WDR62: variants seen among roughly 807,000 people sequenced by gnomAD.
WDR62 encodes WD repeat-containing protein 62.
WDR62 carries 112 observed loss-of-function variants against 160.6 expected under a neutral mutation model. That is an observed-to-expected ratio of 0.70 (90% CI 0.60 to 0.82). WDR62 has a LOEUF of 0.82. Ranked by LOEUF, WDR62 falls within the 40% of genes least tolerant of loss-of-function variation. WDR62 has a pLI of 0.00. For synonymous variants in WDR62, 792 were observed against 815.1 expected, an observed-to-expected ratio of 0.97 and a Z score of 0.48; for missense variants, 1,819 against 1,983.8, an observed-to-expected ratio of 0.92 and a Z score of 1.58.
chr19:36,066,253 C>G lies in WDR62; in HGVS notation c.391-4C>G. 1.2e-6 allele frequency: 2 copies of G among 1,614,158 alleles called. No homozygotes were observed. Among genetic ancestry groups the G allele is most frequent in the Non-Finnish European group, 1.7e-6 (2 of 1,180,038 alleles). ...AGCAGCAGTAACGACCCCACCTTCC[C>G]TAGAATGGGCATAGGCCTGCTGTGC... On this transcript the variant is annotated splice_region_variant and splice_polypyrimidine_tract_variant and intron_variant, in intron 4 of 31. Transcript: ENST00000401500.
chr19:36,096,717 A>C (rs1972986159), intron 20 of WDR62, among the ~76,000 whole-genome samples: 1 of 148,124 alleles, frequency 6.8e-6, no homozygotes, highest in Non-Finnish European at 1.5e-5. Flanking sequence ...TCTCAAAAAA[A>C]GAAAAAAAAA....
At chr19:36,096,201 C>T (rs2145822498) in intron 20 of WDR62, among the ~76,000 whole-genome samples, 1 of 152,240 alleles carries the variant, frequency 6.6e-6, no homozygotes, top group South Asian at 2.1e-4. Context: ...AGCAATTTTC[C>T]CTCCTTAGCC....
Position 36,084,742 on chromosome 19 carries a change from CGG to C in WDR62, c.1642_1642+1del, listed in dbSNP as rs1438386395. ...TGCCTGGAGTACTCCAAGCCAGAGA[CGG>C]GTGAGCCCGCAGCAGGGGTGGAATG... On this transcript the variant is annotated frameshift_variant and splice_region_variant, in exon 12 of 32. Coordinates refer to ENST00000401500, the MANE Select transcript of WDR62 (RefSeq NM_001083961.2). LOFTEE classifies it high-confidence loss of function. 2 of 1,612,944 alleles carry C rather than the reference CGG, an allele frequency of 1.2e-6. No individual in the cohort carries two copies. Among genetic ancestry groups the C allele is most frequent in the Non-Finnish European group, 1.7e-6 (2 of 1,179,906 alleles).
At chr19:36,071,158 T>C in intron 7 of WDR62, 1 of 220,048 alleles carries the variant, frequency 4.5e-6, no homozygotes, top group South Asian at 6.1e-5. Flanking sequence ...GAGCCGAGAT[T>C]GTGCCATTGC....
rs58955389 is a variant in WDR62 at position 36,066,707 on chromosome 19, G to C, written c.561+280G>C. 0.016 allele frequency among the ~76,000 whole-genome samples: 2,468 copies of C among 152,302 alleles called. 77 individuals are homozygous for C. Among genetic ancestry groups the C allele is most frequent in the African/African-American group, 0.056 (2,327 of 41,556 alleles). ...TTTCCTCCTCTGTTAGATGGATATAGTAGTACTTATCTTGTTGAGTTGTGA... is the reference window on the plus strand; with the variant it reads ...TTTCCTCCTCTGTTAGATGGATATACTAGTACTTATCTTGTTGAGTTGTGA... On this transcript the variant is annotated intron_variant, in intron 5 of 31. Coordinates refer to ENST00000401500, the MANE Select transcript of WDR62 (RefSeq NM_001083961.2).
chr19:36,073,413 A>G lies in WDR62; in HGVS notation c.1115A>G (p.Gln372Arg). 5 of 1,614,154 alleles carry G rather than the reference A, an allele frequency of 3.1e-6. No individual in the cohort carries two copies. Among genetic ancestry groups the G allele is most frequent in the Non-Finnish European group, 3.4e-6 (4 of 1,180,026 alleles). ...GCACTGACCTTCGACCCCATCCACC[A>G]GTGGCTGTCCTGCGTGTATAAGGAC... ...TVALTFDPIH[Q>R]WLSCVYKDHS... Residue 372 changes from glutamine to arginine, a missense_variant, in exon 9 of 32, where the codon CAG (glutamine) becomes CGG (arginine). This residue lies in a region of WDR62 where 934 missense variants were observed against 1,157.2 expected (regional missense o/e 0.81). Transcript: ENST00000401500.
intron 13 of WDR62, among the ~76,000 whole-genome samples, chr19:36,088,246 G>A (rs998001218): frequency 2.6e-5 from 4 of 152,034 alleles, no homozygotes; most frequent in Non-Finnish European, 2.9e-5. Context: ...GAAATGAGAC[G>A]GCCGGGGGCA....
At chr19:36,105,130 G>A (rs937269095), downstream of WDR62, 47 of 1,448,080 alleles carry the variant, frequency 3.2e-5, no homozygotes, top group African/African-American at 5.2e-4. Flanking sequence ...GTCTGTTTGG[G>A]CCTATCCACA....
intron 7 of WDR62, among the ~76,000 whole-genome samples, chr19:36,069,698 A>C (rs1459893457): frequency 6.6e-6 from 1 of 152,256 alleles, no homozygotes; most frequent in Non-Finnish European, 1.5e-5. Flanking sequence ...CAGCCTGGGA[A>C]ACATTGAGCA....
intron 23 of WDR62, 84 bp from the exon 24 acceptor site, chr19:36,101,130 G>A (rs1251540649): frequency 7.5e-7 from 1 of 1,340,076 alleles, no homozygotes; most frequent in African/African-American, 1.4e-5. Flanking sequence ...AGCGGGTACA[G>A]GTGCCTAGGG....
At chr19:36,066,055 G>A in intron 4 of WDR62, 40 bp downstream of exon 4, 2 of 1,610,932 alleles carry the variant, frequency 1.2e-6, no homozygotes, top group Non-Finnish European at 1.7e-6. Context: ...CGGGGGCTGG[G>A]GGGTCTTGGA....
At chr19:36,075,751 G>A (rs1326601913) in intron 9 of WDR62, among the ~76,000 whole-genome samples, 1 of 152,186 alleles carries the variant, frequency 6.6e-6, no homozygotes, top group Non-Finnish European at 1.5e-5. Context: ...TGGCCTGTTA[G>A]CAGCTATTGA....
intron 5 of WDR62, among the ~76,000 whole-genome samples, 166 bp downstream of exon 5, chr19:36,066,593 A>G (rs950032540): frequency 2.0e-5 from 3 of 152,236 alleles, no homozygotes; most frequent in Non-Finnish European, 4.4e-5. Flanking sequence ...GTAGGGCACA[A>G]GGCAGGCTCC....
chr19:36,087,332 C>A (rs1447000394), intron 13 of WDR62, among the ~76,000 whole-genome samples: 1 of 151,832 alleles, frequency 6.6e-6, no homozygotes, highest in South Asian at 2.1e-4. Flanking sequence ...TAGTGAAACC[C>A]CATCTCTACT....
At position 36,071,615 on chromosome 19, in the gene WDR62, T is replaced by C; in HGVS notation, c.942T>C (p.Asp314=). The change falls in exon 8 of 32, where the codon GAT becomes GAC. Residue 314 remains aspartate (D), a synonymous_variant. Coordinates refer to ENST00000401500, the MANE Select transcript of WDR62 (RefSeq NM_001083961.2). ...AGCTCATCTTCTGTGGCTGCACAGA[T>C]GGGATAGTCCGCATCTTCCAGGCCC... ...SQELIFCGCT[D]GIVRIFQAHS... 1 of 1,614,234 alleles carries C rather than the reference T, an allele frequency of 6.2e-7. No individual in the cohort carries two copies. Among genetic ancestry groups the C allele is most frequent in the Non-Finnish European group, 8.5e-7 (1 of 1,180,042 alleles).
chr19:36,103,824 G>A lies in WDR62; in HGVS notation c.3996G>A (p.Val1332=), dbSNP rs756373816. 4 of 1,606,972 alleles carry A rather than the reference G, an allele frequency of 2.5e-6. No homozygotes were observed. Among genetic ancestry groups the A allele is most frequent in the Non-Finnish European group, 3.4e-6 (4 of 1,179,424 alleles). ...PAVSFPAPSP[V]EESALRLHGS... is the part of the protein sequence containing the mutation. The stretch of plus-strand genomic sequence containing the variant: ...TGAGCTTCCCAGCCCCTAGCCCTGT[G>A]GAAGAGAGCGCCCTGAGGCTCCACG... Residue 1332 remains valine (V), a synonymous_variant, in exon 30 of 32, where the codon GTG becomes GTA. Coordinates refer to ENST00000401500, the MANE Select transcript of WDR62 (RefSeq NM_001083961.2).
chr19:36,061,595 C>A (rs1181794278), intron 3 of WDR62: 2 of 152,356 alleles, frequency 1.3e-5, no homozygotes, highest in East Asian at 1.9e-4. Flanking sequence ...GCCAGTTCCT[C>A]ACACCTGTGT....
At chr19:36,100,602 C>A in intron 22 of WDR62, 146 bp from the exon 23 acceptor site, 2 of 1,239,414 alleles carry the variant, frequency 1.6e-6, no homozygotes, top group Non-Finnish European at 2.3e-6. Context: ...CAGGGGCAGA[C>A]CAGGACAAGC....
rs931732812 is a variant in WDR62, at chr19:36,091,557, G to T, written c.2210+92G>T. ...GTAGAGAGCATTTCTAAACTGCCCA[G>T]TTTGGATTGTGGGAGTCTTGGTGTC... On this transcript the variant is annotated intron_variant, in intron 18 of 31. Coordinates refer to ENST00000401500, the MANE Select transcript of WDR62 (RefSeq NM_001083961.2). 5 of 1,305,098 alleles carry T rather than the reference G, an allele frequency of 3.8e-6. No individual in the cohort carries two copies. In the African/African-American group the frequency reaches 4.4e-5, roughly 11 times the overall value. The allele number at this position is 1,305,098 out of a possible 1,614,324, so 80.8% of individuals were successfully genotyped here. A position where few individuals can be genotyped will look rare whatever the true frequency, so the allele number is the denominator to read the frequency against.
Sources: allele counts gnomAD v4.1 joint callset (sites outside exome capture counted in the v4.1 genomes callset), GRCh38; gene constraint gnomAD v4.1.1; regional missense constraint gnomAD v4.1.1; transcripts MANE v1.5; gene names NCBI Gene and HGNC (gene_info 2026-07-23, HGNC 2026-07-21).